The following ATRNL1 variants were observed in gnomAD, a reference collection of about 807,000 sequenced individuals.
The protein encoded by ATRNL1 is attractin like 1.
Under a neutral mutation model 182.7 loss-of-function variants are expected in ATRNL1, and 95 were observed. That is an observed-to-expected ratio of 0.52 (90% CI 0.44 to 0.62). The LOEUF is 0.62. ATRNL1 is among the 20% of genes least tolerant of loss of function. The pLI is 0.00. For missense variants in ATRNL1, 1,471 were observed against 1,679.5 expected, an observed-to-expected ratio of 0.88 and a Z score of 2.17; for synonymous variants, 576 against 568.3, an observed-to-expected ratio of 1.01 and a Z score of -0.19.
chr10:115,868,594 TAC>T (rs1951494076), intron 28 of ATRNL1, among the ~76,000 whole-genome samples: 1 of 152,120 alleles, frequency 6.6e-6, no homozygotes, highest in Non-Finnish European at 1.5e-5. Context: ...CCTCTCATTT[TAC>T]ACACAGAGAC....
At chr10:115,315,290 C>T (rs1298848252) in intron 17 of ATRNL1, among the ~76,000 whole-genome samples, 1 of 152,156 alleles carries the variant, frequency 6.6e-6, no homozygotes, top group African/African-American at 2.4e-5. Flanking sequence ...GTTAACCACA[C>T]CTTTTTTCAC....
At chr10:115,409,575 A>G (rs968938664) in intron 20 of ATRNL1, among the ~76,000 whole-genome samples, 3 of 152,078 alleles carry the variant, frequency 2.0e-5, no homozygotes, top group Admixed American at 6.6e-5. Context: ...TTCTTGCCCA[A>G]TTGCTCTGGC....
chr10:115,938,303 A>G (rs139323712), intron 28 of ATRNL1, among the ~76,000 whole-genome samples: 253 of 152,350 alleles, frequency 1.7e-3, no homozygotes, highest in Admixed American at 2.9e-3. Flanking sequence ...CAATAACTAA[A>G]TTCCTGATGT....
At chr10:115,937,250 A>C (rs1011969743) in intron 28 of ATRNL1, among the ~76,000 whole-genome samples, 2 of 152,222 alleles carry the variant, frequency 1.3e-5, no homozygotes, top group African/African-American at 4.8e-5. Context: ...ATTGTAAAAT[A>C]TTATGATATG....
At chr10:115,440,770 TG>T (rs557419933) in intron 21 of ATRNL1, among the ~76,000 whole-genome samples, 2 of 151,672 alleles carry the variant, frequency 1.3e-5, no homozygotes, top group African/African-American at 2.4e-5. Context: ...CTCACGTTGC[TG>T]GGGGGAAAAA....
chr10:115,929,905 C>G (rs1390026973), intron 28 of ATRNL1, among the ~76,000 whole-genome samples: 1 of 151,994 alleles, frequency 6.6e-6, no homozygotes, highest in Non-Finnish European at 1.5e-5. Flanking sequence ...AATACTAATC[C>G]AATCTAAATG....
At chr10:115,565,635 A>G (rs2133849745) in intron 26 of ATRNL1, among the ~76,000 whole-genome samples, 1 of 152,266 alleles carries the variant, frequency 6.6e-6, no homozygotes, top group East Asian at 1.9e-4. Context: ...TTAGAAGCAC[A>G]CACTCATCAA....
At chr10:115,761,486 C>T (rs2960715) in intron 27 of ATRNL1, among the ~76,000 whole-genome samples, 61,879 of 152,028 alleles carry the variant, frequency 0.41, 12,951 homozygotes, top group South Asian at 0.48. Context: ...AGTTAAATAT[C>T]GCTGCAATTA....
intron 28 of ATRNL1, among the ~76,000 whole-genome samples, chr10:115,875,236 G>A (rs1951675492): frequency 6.6e-6 from 1 of 152,192 alleles, no homozygotes; most frequent in African/African-American, 2.4e-5. Flanking sequence ...GTTGATTTGA[G>A]AGATCTTTTC....
Position 115,817,877 on chromosome 10 carries a change from G to GTTT in ATRNL1, c.3904-29985_3904-29983dup, listed in dbSNP as rs35087740. Reference sequence around the variant, plus strand: ...GCATATGGCTTTGATTTTACGTTGTGTTTTTTTTTTTTTTTTTCTGTTTTA... The same window carrying GTTT: ...GCATATGGCTTTGATTTTACGTTGTGTTTTTTTTTTTTTTTTTTTTCTGTTTTA... On this transcript the variant is annotated intron_variant, in intron 27 of 28. Transcript: ENST00000355044. Among the ~76,000 whole-genome samples the GTTT allele has an allele frequency of 5.6e-4, 75 of 133,884 alleles. 1 individual carries two copies. Among genetic ancestry groups the GTTT allele is most frequent in the African/African-American group, 1.8e-3 (66 of 36,136 alleles). 87.8% of individuals were successfully genotyped at this position (133,884 alleles called of 152,430 possible).
chr10:115,508,404 C>A (rs569009495), intron 24 of ATRNL1, among the ~76,000 whole-genome samples: 1 of 152,092 alleles, frequency 6.6e-6, no homozygotes, highest in African/African-American at 2.4e-5. Context: ...TGTCTTGTCA[C>A]TTTAAATCAA....
intron 8 of ATRNL1, among the ~76,000 whole-genome samples, chr10:115,201,417 AG>A (rs1404782730): frequency 6.6e-6 from 1 of 152,130 alleles, no homozygotes; most frequent in East Asian, 1.9e-4. Context: ...ATAAGGTGTA[AG>A]GAAGGGATCC....
chr10:115,275,397 T>A (rs1554914557), intron 13 of ATRNL1, among the ~76,000 whole-genome samples: 1 of 152,218 alleles, frequency 6.6e-6, no homozygotes, highest in Non-Finnish European at 1.5e-5. Context: ...ATTATTTCCC[T>A]TTCCCCAGTG....
At chr10:115,721,911 T>C (rs1947438334) in intron 26 of ATRNL1, among the ~76,000 whole-genome samples, 1 of 152,190 alleles carries the variant, frequency 6.6e-6, no homozygotes, top group African/African-American at 2.4e-5. Flanking sequence ...ACTGCCCAAA[T>C]AGCAACCCCA....
intron 25 of ATRNL1, among the ~76,000 whole-genome samples, chr10:115,532,573 A>G (rs10444036): frequency 0.43 from 64,270 of 150,880 alleles, 14,101 homozygotes; most frequent in Middle Eastern, 0.53. Flanking sequence ...GTCTGCAAAC[A>G]GGGACAATTT....
chr10:115,493,789 C>G (rs1554977359), intron 24 of ATRNL1, among the ~76,000 whole-genome samples: 1 of 152,138 alleles, frequency 6.6e-6, no homozygotes, highest in East Asian at 1.9e-4. Context: ...TATTATTTGA[C>G]TTTTTAATAG....
chr10:115,834,324 A>G (rs952462316), intron 27 of ATRNL1, among the ~76,000 whole-genome samples: 2 of 152,144 alleles, frequency 1.3e-5, no homozygotes, highest in Admixed American at 6.6e-5. Context: ...CCTTTGAGCC[A>G]TATTATTTTA....
chr10:115,198,325 C>G (rs552433953), intron 8 of ATRNL1, among the ~76,000 whole-genome samples: 6 of 152,154 alleles, frequency 3.9e-5, no homozygotes, highest in African/African-American at 1.4e-4. Context: ...TGAGAAATGT[C>G]CACTCATGTC....
intron 27 of ATRNL1, among the ~76,000 whole-genome samples, chr10:115,833,060 C>T (rs1950594036): frequency 6.6e-6 from 1 of 151,972 alleles, no homozygotes; most frequent in South Asian, 2.1e-4. Context: ...ATTCAAATAG[C>T]AAACTAAGAA....
Sources: gnomAD v4.1 joint callset for allele counts (sites outside exome capture counted in the v4.1 genomes callset) on GRCh38, gnomAD v4.1.1 for gene constraint, MANE v1.5 for transcripts, NCBI Gene and HGNC (gene_info 2026-07-23, HGNC 2026-07-21) for gene names.